The following TWIST1 variants were observed in gnomAD, a reference collection of about 807,000 sequenced individuals.
TWIST1 encodes the protein twist-related protein 1.
A neutral mutation model predicts 12.9 loss-of-function variants in TWIST1; 8 were observed. The ratio of observed to expected loss-of-function variants is 0.62; its 90% CI spans 0.37 to 1.12. TWIST1 has a LOEUF of 1.12. Among genes scored for constraint, TWIST1 ranks in the 50% most tolerant of loss-of-function variants. The probability of loss-of-function intolerance (pLI) is 0.02; values close to 1 mark genes in which losing one functional copy is unlikely to be tolerated. For missense variants in TWIST1, 268 were observed against 299.7 expected, an observed-to-expected ratio of 0.89 and a Z score of 0.78; for synonymous variants, 169 against 138.7, an observed-to-expected ratio of 1.22 and a Z score of -1.54.
Position 19,116,947 on chromosome 7 carries a change from G to A in TWIST1, c.375C>T (p.Asn125=), listed in dbSNP as rs773150642. Residue 125 remains asparagine (N), a synonymous_variant, in exon 1 of 2, where the codon AAC becomes AAT. Coordinates refer to ENST00000242261, the MANE Select transcript of TWIST1 (RefSeq NM_000474.4). The part of the protein sequence containing the change: ...VRERQRTQSL[N]EAFAALRKII... ...TCTTCCGCAGCGCGGCGAACGCCTC[G>A]TTCAGCGACTGGGTGCGCTGGCGCT... is the stretch of plus-strand genomic sequence containing the variant. 6 of 1,613,784 alleles carry A rather than the reference G, an allele frequency of 3.7e-6. No homozygotes were observed. Among genetic ancestry groups the A allele is most frequent in the Non-Finnish European group, 4.2e-6 (5 of 1,179,928 alleles).
downstream of TWIST1, among the ~76,000 whole-genome samples, chr7:19,115,171 C>T (rs572649104): frequency 1.9e-3 from 296 of 152,268 alleles, 1 homozygote; most frequent in African/African-American, 6.8e-3. Context: ...ACTGTTTTAA[C>T]AACTATCACC....
Position 19,116,697 on chromosome 7 carries a change from TG to T in TWIST1, c.*15del, listed in dbSNP as rs778566992. The T allele has an allele frequency of 6.3e-7, 1 of 1,587,554 alleles. No individual in the cohort carries two copies. Among genetic ancestry groups the T allele is most frequent in the Non-Finnish European group, 8.6e-7 (1 of 1,168,342 alleles). On this transcript the variant is annotated 3_prime_UTR_variant, in exon 1 of 2. Coordinates refer to ENST00000242261, the MANE Select transcript of TWIST1 (RefSeq NM_000474.4). ...TAGGTCTCCGGCCCTGCTGAGGGGGTGGGGGGCTCCGCCTGCTAGTGGGACG... is the reference window on the plus strand; with the variant it reads ...TAGGTCTCCGGCCCTGCTGAGGGGGTGGGGGCTCCGCCTGCTAGTGGGACG...
At position 19,117,185 on chromosome 7, in the gene TWIST1, G is replaced by A. The variant is rs1788591768; in HGVS notation, c.137C>T (p.Ala46Val). Residue 46 changes from alanine (A) to valine (V), a missense_variant, in exon 1 of 2, where the codon GCG (alanine) becomes GTG (valine). Around this residue, in one of 2 missense-constraint regions of TWIST1, gnomAD observed 189 missense variants for 172.1 expected, o/e 1.10. Coordinates refer to ENST00000242261, the MANE Select transcript of TWIST1 (RefSeq NM_000474.4). ...TCCGCCGGGCCCCGCGCCGCCGCCCGCGCTGCGCCTGCTGCTGCGCCGCTT... is the reference window on the plus strand; with the variant it reads ...TCCGCCGGGCCCCGCGCCGCCGCCCACGCTGCGCCTGCTGCTGCGCCGCTT... ...GRKRRSSRRS[A>V]GGGAGPGGAA... 9.4e-6 allele frequency: 11 copies of A among 1,164,798 alleles called. No individual in the cohort carries two copies. Among genetic ancestry groups the A allele is most frequent in the East Asian group, 4.5e-5 (1 of 22,460 alleles). 72.2% of individuals were successfully genotyped at this position (1,164,798 alleles called of 1,614,324 possible). A position where few individuals can be genotyped will look rare whatever the true frequency, so the allele number is the denominator to read the frequency against.
rs1283488969 is a variant in TWIST1, at chr7:19,117,457, C to T, written c.-136G>A. On this transcript the variant is annotated 5_prime_UTR_variant, in exon 1 of 2. Coordinates refer to ENST00000242261, the MANE Select transcript of TWIST1 (RefSeq NM_000474.4). ...GCGGAGGAGAGAGCAGGAGGACGGA[C>T]GGGAGGGACCTCCGCGGGGAGGGCG... 4.3e-6 allele frequency: 5 copies of T among 1,153,450 alleles called. No homozygotes were observed. Among genetic ancestry groups the T allele is most frequent in the East Asian group, 8.8e-5 (2 of 22,656 alleles). 71.5% of individuals were successfully genotyped at this position (1,153,450 alleles called of 1,614,324 possible). A position where few individuals can be genotyped will look rare whatever the true frequency, so the allele number is the denominator to read the frequency against.
rs1788605951 is a variant in TWIST1 at position 19,117,574 on chromosome 7, C to G, written c.-253G>C. The stretch of plus-strand genomic sequence containing the variant: ...AGAAAGCGCCCAACGGCTGGACGCA[C>G]ACCCCGCCAGGCCTCCTGGAAACGG... On this transcript the variant is annotated 5_prime_UTR_variant, in exon 1 of 2. Transcript: ENST00000242261. The G allele has an allele frequency of 2.7e-6, 3 of 1,114,768 alleles. No homozygotes were observed. The highest frequency in any genetic ancestry group is 3.3e-6 in the Non-Finnish European group (3 of 903,484). The allele number at this position is 1,114,768 out of a possible 1,614,324, so 69.1% of individuals were successfully genotyped here. A position where few individuals can be genotyped will look rare whatever the true frequency, so the allele number is the denominator to read the frequency against.
In TWIST1 at chr7:19,117,577, C is replaced by A. The variant is rs1279157297; in HGVS notation, c.-256G>T. The A allele has an allele frequency of 1.8e-6, 2 of 1,109,538 alleles. No individual in the cohort carries two copies. The highest frequency in any genetic ancestry group is 1.1e-6 in the Non-Finnish European group (1 of 900,256). The allele number at this position is 1,109,538 out of a possible 1,614,324, so 68.7% of individuals were successfully genotyped here. ...AAGCGCCCAACGGCTGGACGCACACCCCGCCAGGCCTCCTGGAAACGGTGC... is the reference window on the plus strand; with the variant it reads ...AAGCGCCCAACGGCTGGACGCACACACCGCCAGGCCTCCTGGAAACGGTGC... On this transcript the variant is annotated 5_prime_UTR_variant, in exon 1 of 2. Coordinates refer to ENST00000242261, the MANE Select transcript of TWIST1 (RefSeq NM_000474.4).
chr7:19,117,234 G>A lies in TWIST1; in HGVS notation c.88C>T (p.Pro30Ser). The change falls in exon 1 of 2, where the codon CCG (proline) becomes TCG (serine). Residue 30 changes from proline (P) to serine (S), a missense_variant. Pro to Ser is a moderately conservative substitution (Grantham distance 74). Coordinates refer to ENST00000242261, the MANE Select transcript of TWIST1 (RefSeq NM_000474.4). ...SEEEPDRQQP[P>S]SGKRGGRKRR... is the part of the protein sequence containing the mutation. ...TTGCGTCCCCCGCGCTTGCCGCTCG[G>A]CGGCTGCTGCCGGTCTGGCTCTTCC... 1.4e-6 allele frequency: 2 copies of A among 1,420,478 alleles called. No homozygotes were observed. The highest frequency in any genetic ancestry group is 2.5e-4 in the Middle Eastern group (1 of 3,974). The allele number at this position is 1,420,478 out of a possible 1,614,324, so 88.0% of individuals were successfully genotyped here.
Position 19,116,692 on chromosome 7 carries a change from G to T in TWIST1, c.*21C>A. On this transcript the variant is annotated 3_prime_UTR_variant, in exon 1 of 2. Transcript: ENST00000242261. ...TTACCTAGGTCTCCGGCCCTGCTGA[G>T]GGGGTGGGGGGCTCCGCCTGCTAGT... 1 of 1,586,558 alleles carries T rather than the reference G, an allele frequency of 6.3e-7. No homozygotes were observed.
chr7:19,117,028 C>CCCGCCGCCGCTGCTGCTGCCG lies in TWIST1; in HGVS notation c.273_293dup (p.Gly92_Gly98dup), dbSNP rs1554442039. The CCCGCCGCCGCTGCTGCTGCCG allele has an allele frequency of 6.0e-6, 9 of 1,498,372 alleles. No homozygotes were observed. Among genetic ancestry groups the CCCGCCGCCGCTGCTGCTGCCG allele is most frequent in the Admixed American group, 2.3e-5 (1 of 42,662 alleles). The allele number at this position is 1,498,372 out of a possible 1,614,324, so 92.8% of individuals were successfully genotyped here. On this transcript the variant is annotated inframe_insertion, in exon 1 of 2. Coordinates refer to ENST00000242261, the MANE Select transcript of TWIST1 (RefSeq NM_000474.4). ...GCAGCTCCTCGTAAGACTGCGGACT[C>CCCGCCGCCGCTGCTGCTGCCG]CCGCCGCCGCTGCTGCTGCCGCCGC...
At position 19,117,409 on chromosome 7, in the gene TWIST1, C is replaced by G. The variant is rs1788599701; in HGVS notation, c.-88G>C. On this transcript the variant is annotated 5_prime_UTR_variant, in exon 1 of 2. Coordinates refer to ENST00000242261, the MANE Select transcript of TWIST1 (RefSeq NM_000474.4). ...GCCCGCCAGCTTCCCCCGCGCGCGG[C>G]GCCGGCCCGGGCGATGCGGCCCGCG... is the stretch of plus-strand genomic sequence containing the variant. 8.1e-7 allele frequency: 1 copy of G among 1,236,564 alleles called. No homozygotes were observed. Among genetic ancestry groups the G allele is most frequent in the African/African-American group, 1.6e-5 (1 of 62,354 alleles). The allele number at this position is 1,236,564 out of a possible 1,614,324, so 76.6% of individuals were successfully genotyped here.
At position 19,117,020 on chromosome 7, in the gene TWIST1, T is replaced by A; in HGVS notation, c.302A>T (p.Gln101Leu). The A allele has an allele frequency of 6.5e-7, 1 of 1,535,228 alleles. No homozygotes were observed. ...CTGCGTCTGCAGCTCCTCGTAAGAC[T>A]GCGGACTCCCGCCGCCGCTGCTGCT... is the stretch of plus-strand genomic sequence containing the variant. ...GGSSSGGGSP[Q>L]SYEELQTQRV... Residue 101 changes from glutamine (Q) to leucine (L), a missense_variant, in exon 1 of 2, where the codon CAG becomes CTG. Around this residue, in one of 2 missense-constraint regions of TWIST1, gnomAD observed 189 missense variants for 172.1 expected, o/e 1.10. Coordinates refer to ENST00000242261, the MANE Select transcript of TWIST1 (RefSeq NM_000474.4).
Position 19,117,431 on chromosome 7 carries a change from C to T in TWIST1, c.-110G>A, listed in dbSNP as rs530965063. Reference sequence around the variant, plus strand: ...CGGCGCCGGCCCGGGCGATGCGGCCCGCGGAGGAGAGAGCAGGAGGACGGA... The same window carrying T: ...CGGCGCCGGCCCGGGCGATGCGGCCTGCGGAGGAGAGAGCAGGAGGACGGA... On this transcript the variant is annotated 5_prime_UTR_variant, in exon 1 of 2. Coordinates refer to ENST00000242261, the MANE Select transcript of TWIST1 (RefSeq NM_000474.4). The T allele has an allele frequency of 7.1e-5, 85 of 1,199,128 alleles. 1 individual carries two copies. In the Admixed American group the frequency reaches 2.8e-3, roughly 39 times the overall value. 74.3% of individuals were successfully genotyped at this position (1,199,128 alleles called of 1,614,324 possible). A position where few individuals can be genotyped will look rare whatever the true frequency, so the allele number is the denominator to read the frequency against.
downstream of TWIST1, chr7:19,113,577 T>C (rs992965843): frequency 2.0e-5 from 3 of 152,230 alleles, no homozygotes; most frequent in Non-Finnish European, 4.4e-5. Context: ...ATCTGCAAGC[T>C]GGAAACTGCA....
rs749574847 is a variant in TWIST1 at position 19,116,828 on chromosome 7, C to T, written c.494G>A (p.Ser165Asn). 6.2e-7 allele frequency: 1 copy of T among 1,614,178 alleles called. No individual in the cohort carries two copies. The highest frequency in any genetic ancestry group is 8.5e-7 in the Non-Finnish European group (1 of 1,180,018). Residue 165 changes from serine to asparagine, a missense_variant, in exon 1 of 2, where the codon AGC (serine) becomes AAC (asparagine). Ser to Asn is a conservative substitution (Grantham distance 46, BLOSUM62 1). This residue lies in a region of TWIST1 where 79 missense variants were observed against 127.6 expected (regional missense o/e 0.62). Transcript: ENST00000242261. ...YIDFLYQVLQ[S>N]DELDSKMASC... ...TGCCATCTTGGAGTCCAGCTCGTCG[C>T]TCTGGAGGACCTGGTAGAGGAAGTC...
In TWIST1 at chr7:19,117,018, A is replaced by G. The variant is rs375193589; in HGVS notation, c.304T>C (p.Ser102Pro). ...GSSSGGGSPQ[S>P]YEELQTQRVM... The stretch of plus-strand genomic sequence containing the variant: ...CGCTGCGTCTGCAGCTCCTCGTAAG[A>G]CTGCGGACTCCCGCCGCCGCTGCTG... The change falls in exon 1 of 2, where the codon TCT becomes CCT. Residue 102 changes from serine to proline, a missense_variant. Coordinates refer to ENST00000242261, the MANE Select transcript of TWIST1 (RefSeq NM_000474.4). 1.9e-6 allele frequency: 3 copies of G among 1,545,984 alleles called. No individual in the cohort carries two copies. In the African/African-American group the frequency reaches 4.3e-5, roughly 22 times the overall value.
chr7:19,117,617 C>T lies in TWIST1; in HGVS notation c.-296G>A, dbSNP rs1357557358. 2.8e-6 allele frequency: 3 copies of T among 1,067,232 alleles called. No homozygotes were observed. Among genetic ancestry groups the T allele is most frequent in the Non-Finnish European group, 3.4e-6 (3 of 873,572 alleles). The allele number at this position is 1,067,232 out of a possible 1,614,324, so 66.1% of individuals were successfully genotyped here. The stretch of plus-strand genomic sequence containing the variant: ...GGAAACGGTGCCGGTGCTGCAGAGC[C>T]CGCGAGGTGTCTGGGAGTTGGGCGA... On this transcript the variant is annotated 5_prime_UTR_variant, in exon 1 of 2. Transcript: ENST00000242261.
chr7:19,113,600 A>G (rs557784093), downstream of TWIST1: 14 of 152,334 alleles, frequency 9.2e-5, 1 homozygote, highest in South Asian at 2.3e-3. Flanking sequence ...CCAGTAGTTA[A>G]TATTTTTCAT....
At position 19,117,621 on chromosome 7, in the gene TWIST1, G is replaced by A; in HGVS notation, c.-300C>T. The A allele has an allele frequency of 9.4e-7, 1 of 1,063,560 alleles. No homozygotes were observed. The highest frequency in any genetic ancestry group is 1.1e-6 in the Non-Finnish European group (1 of 871,254). The allele number at this position is 1,063,560 out of a possible 1,614,324, so 65.9% of individuals were successfully genotyped here. On this transcript the variant is annotated 5_prime_UTR_variant, in exon 1 of 2. Coordinates refer to ENST00000242261, the MANE Select transcript of TWIST1 (RefSeq NM_000474.4). ...ACGGTGCCGGTGCTGCAGAGCCCGCGAGGTGTCTGGGAGTTGGGCGAGAGC... is the reference window on the plus strand; with the variant it reads ...ACGGTGCCGGTGCTGCAGAGCCCGCAAGGTGTCTGGGAGTTGGGCGAGAGC...
At position 19,115,589 on chromosome 7, in the gene TWIST1, A is replaced by G. The variant is rs962776774; in HGVS notation, c.*585T>C. On this transcript the variant is annotated 3_prime_UTR_variant, in exon 2 of 2. Transcript: ENST00000242261. ...ATTTGCATTTTACCATGGGTCCTCA[A>G]TAAATAAATAGAATGTTGTTTTTTG... is the stretch of plus-strand genomic sequence containing the variant. The G allele has an allele frequency of 2.0e-5, 3 of 152,598 alleles. No individual in the cohort carries two copies. The highest frequency in any genetic ancestry group is 4.4e-5 in the Non-Finnish European group (3 of 68,042). 9.5% of individuals were successfully genotyped at this position (152,598 alleles called of 1,614,324 possible). A position where few individuals can be genotyped will look rare whatever the true frequency, so the allele number is the denominator to read the frequency against.
Sources: allele counts gnomAD v4.1 joint callset (sites outside exome capture counted in the v4.1 genomes callset), GRCh38; gene constraint gnomAD v4.1.1; regional missense constraint gnomAD v4.1.1; transcripts MANE v1.5; gene names NCBI Gene and HGNC (gene_info 2026-07-23, HGNC 2026-07-21).